The following FRMD5 variants were observed in gnomAD, a reference collection of about 807,000 sequenced individuals.
FRMD5 encodes FERM domain-containing protein 5.
Under a neutral mutation model 69.0 loss-of-function variants are expected in FRMD5, and 20 were observed. That is an observed-to-expected ratio of 0.29 (90% CI 0.20 to 0.42). The LOEUF (loss-of-function observed/expected upper bound fraction) is 0.42. Among genes scored for constraint, FRMD5 ranks in the 10% least tolerant of loss-of-function variants. The pLI is 1.00. For synonymous variants in FRMD5, 271 were observed against 260.1 expected (o/e 1.04, Z -0.40); for missense variants, 595 against 708.6 (o/e 0.84, Z 1.82).
chr15:44,104,241 G>T (rs1244442973), intron 1 of FRMD5, among the ~76,000 whole-genome samples: 1 of 152,102 alleles, frequency 6.6e-6, no homozygotes, highest in Non-Finnish European at 1.5e-5. Flanking sequence ...AAATGTTTTT[G>T]TACAACTGTG....
At chr15:43,967,491 A>G (rs977038670) in intron 1 of FRMD5, among the ~76,000 whole-genome samples, 1 of 152,144 alleles carries the variant, frequency 6.6e-6, no homozygotes, top group Non-Finnish European at 1.5e-5. Flanking sequence ...TCGACCTCCC[A>G]AAGTGCTAGG....
At chr15:43,884,514 T>G (rs531911676) in intron 12 of FRMD5, among the ~76,000 whole-genome samples, 36 of 152,332 alleles carry the variant, frequency 2.4e-4, no homozygotes, top group Admixed American at 2.0e-3. Flanking sequence ...GGATCTGATG[T>G]ACTATCTGCA....
At chr15:44,001,499 TC>T (rs1351684994) in intron 1 of FRMD5, among the ~76,000 whole-genome samples, 2 of 152,164 alleles carry the variant, frequency 1.3e-5, no homozygotes, top group East Asian at 3.9e-4. Flanking sequence ...CATGGAGCTT[TC>T]CCCCTATATT....
chr15:44,175,444 T>A lies in FRMD5; in HGVS notation c.102+19509A>T, dbSNP rs538074178. Among the ~76,000 whole-genome samples the A allele has an allele frequency of 5.9e-5, 9 of 152,274 alleles. No individual in the cohort carries two copies. The South Asian group carries it at 6.2e-4, about 11-fold the overall frequency. On this transcript the variant is annotated intron_variant, in intron 1 of 13. Coordinates refer to ENST00000417257, the MANE Select transcript of FRMD5 (RefSeq NM_032892.5). ...CTATATACCTATCAAAATAACTTTTTAAAAAAATGTTAATAACACCAAGTG... is the reference window on the plus strand; with the variant it reads ...CTATATACCTATCAAAATAACTTTTAAAAAAAATGTTAATAACACCAAGTG...
At chr15:43,941,162 T>C (rs961003870) in intron 1 of FRMD5, among the ~76,000 whole-genome samples, 7 of 152,314 alleles carry the variant, frequency 4.6e-5, no homozygotes, top group Admixed American at 2.6e-4. Flanking sequence ...AGCCCAGCAG[T>C]TGGAGACCAG....
At chr15:43,967,469 G>T (rs1195948948) in intron 1 of FRMD5, among the ~76,000 whole-genome samples, 1 of 152,008 alleles carries the variant, frequency 6.6e-6, no homozygotes, top group African/African-American at 2.4e-5. Context: ...CTGATCTCAT[G>T]ATCTGCCCAC....
At chr15:43,903,767 C>T (rs1213039967) in intron 6 of FRMD5, among the ~76,000 whole-genome samples, 1 of 152,162 alleles carries the variant, frequency 6.6e-6, no homozygotes, top group African/African-American at 2.4e-5. Flanking sequence ...CCCAAACCTC[C>T]AGGGTCCTCA....
intron 1 of FRMD5, among the ~76,000 whole-genome samples, chr15:43,954,572 C>T (rs535809358): frequency 7.2e-5 from 11 of 152,204 alleles, no homozygotes; most frequent in East Asian, 5.8e-4. Context: ...ATAATGTGTG[C>T]GAGGGGAAAG....
intron 1 of FRMD5, among the ~76,000 whole-genome samples, chr15:43,991,725 G>A (rs763256551): frequency 2.0e-4 from 31 of 152,072 alleles, no homozygotes; most frequent in Non-Finnish European, 3.7e-4. Flanking sequence ...GGCCTACCAG[G>A]TAAGGGATTG....
chr15:44,173,543 A>T (rs924404693), intron 1 of FRMD5, among the ~76,000 whole-genome samples: 3 of 152,128 alleles, frequency 2.0e-5, no homozygotes, highest in Non-Finnish European at 4.4e-5. Context: ...CTTGAGACAG[A>T]GTCCCCCTCT....
intron 1 of FRMD5, among the ~76,000 whole-genome samples, chr15:43,994,861 G>A (rs776956313): frequency 6.6e-6 from 1 of 152,224 alleles, no homozygotes; most frequent in Non-Finnish European, 1.5e-5. Flanking sequence ...ATGTTTTAAT[G>A]TTTACTAATT....
chr15:44,112,545 C>G (rs185203140), intron 1 of FRMD5, among the ~76,000 whole-genome samples: 2,425 of 151,694 alleles, frequency 0.016, 48 homozygotes, highest in East Asian at 0.051. Flanking sequence ...CGGCTCACTG[C>G]AAGCTCCACC....
chr15:43,909,972 C>A lies in FRMD5; in HGVS notation c.337G>T (p.Val113Phe). 1 of 1,584,012 alleles carries A rather than the reference C, an allele frequency of 6.3e-7. No individual in the cohort carries two copies. Among genetic ancestry groups the A allele is most frequent in the Non-Finnish European group, 8.7e-7 (1 of 1,153,310 alleles). Residue 113 changes from valine (V) to phenylalanine (F), a missense_variant, in exon 5 of 14, where the codon GTC becomes TTC. This residue lies in a region of FRMD5 where 79 missense variants were observed against 139.9 expected (regional missense o/e 0.56). Transcript: ENST00000417257. ...ALKEEITRYL[V>F]FLQIKRDLYH... is the part of the protein sequence containing the mutation. ...AGATCCCTTTTGATCTGCAGGAAGA[C>A]TAAATACCTGGAGAGAAAACAGAGA... is the stretch of plus-strand genomic sequence containing the variant.
At chr15:44,003,813 C>T (rs1890319265) in intron 1 of FRMD5, among the ~76,000 whole-genome samples, 1 of 152,066 alleles carries the variant, frequency 6.6e-6, no homozygotes, top group African/African-American at 2.4e-5. Context: ...TCTAATATAC[C>T]ATATATCATT....
At position 44,148,276 on chromosome 15, in the gene FRMD5, C is replaced by CT. The variant is rs923546326; in HGVS notation, c.102+46676dup. 4.9e-3 allele frequency among the ~76,000 whole-genome samples: 725 copies of CT among 146,556 alleles called. 4 individuals carry two copies. The highest frequency in any genetic ancestry group is 0.014 in the African/African-American group (567 of 40,318). The stretch of plus-strand genomic sequence containing the variant: ...GCTTTCTTGTGCTTCACAGATATTA[C>CT]TTTTTTTTTTTTTGAGACGGAGTCT... On this transcript the variant is annotated intron_variant, in intron 1 of 13. Transcript: ENST00000417257.
intron 10 of FRMD5, among the ~76,000 whole-genome samples, chr15:43,887,124 G>A (rs572445768): frequency 1.3e-5 from 2 of 152,224 alleles, no homozygotes; most frequent in South Asian, 4.1e-4. Context: ...GCTTCTGTTT[G>A]CTTCTTCTCT....
At chr15:43,951,972 T>TGA (rs2090037713) in intron 1 of FRMD5, among the ~76,000 whole-genome samples, 1 of 118,158 alleles carries the variant, frequency 8.5e-6, no homozygotes, top group Admixed American at 7.9e-5. Flanking sequence ...TGTGTGTGTG[T>TGA]GTGTGTGTTG....
intron 1 of FRMD5, among the ~76,000 whole-genome samples, chr15:44,053,117 G>A (rs889752422): frequency 2.0e-5 from 3 of 152,042 alleles, no homozygotes; most frequent in Non-Finnish European, 4.4e-5. Context: ...AAAATCAGAT[G>A]GAATAGGAGG....
intron 1 of FRMD5, among the ~76,000 whole-genome samples, chr15:44,010,336 A>G (rs1890655055): frequency 6.6e-6 from 1 of 152,174 alleles, no homozygotes; most frequent in Non-Finnish European, 1.5e-5. Context: ...CTCTAGGATT[A>G]CAGTGATGAC....
Sources: gnomAD v4.1 joint callset for allele counts (sites outside exome capture counted in the v4.1 genomes callset) on GRCh38, gnomAD v4.1.1 for gene constraint, gnomAD v4.1.1 regional missense constraint, MANE v1.5 for transcripts, NCBI Gene and HGNC (gene_info 2026-07-23, HGNC 2026-07-21) for gene names.